TMEM74: variants seen among roughly 807,000 people sequenced by gnomAD.
TMEM74 encodes transmembrane protein 74.
A neutral mutation model predicts 18.1 loss-of-function variants in TMEM74; 13 were observed. The ratio of observed to expected loss-of-function variants is 0.72; its 90% CI spans 0.47 to 1.14. The LOEUF (loss-of-function observed/expected upper bound fraction) is 1.14, where lower values mean the gene tolerates loss of function less well. Ranked by LOEUF, TMEM74 falls within the 50% of genes most tolerant of loss-of-function variation. TMEM74 has a pLI of 0.00. For missense variants in TMEM74, 372 were observed against 375.9 expected (o/e 0.99, Z 0.09); for synonymous variants, 159 against 146.6 (o/e 1.08, Z -0.61).
At position 108,780,469 on chromosome 8, in the gene TMEM74, G is replaced by A. The variant is rs1814290722; in HGVS notation, c.*3712C>T. Reference sequence around the variant, plus strand: ...ATTCTCAATATTTAACTAGCATGGTGCTCAGTCACTCATTTATCAAGATTA... The same window carrying A: ...ATTCTCAATATTTAACTAGCATGGTACTCAGTCACTCATTTATCAAGATTA... On this transcript the variant is annotated 3_prime_UTR_variant, in exon 2 of 2. Coordinates refer to ENST00000297459, the MANE Select transcript of TMEM74 (RefSeq NM_153015.3). 6.6e-6 allele frequency among the ~76,000 whole-genome samples: 1 copy of A among 152,142 alleles called. No homozygotes were observed. Among genetic ancestry groups the A allele is most frequent in the Non-Finnish European group, 1.5e-5 (1 of 68,034 alleles).
chr8:108,713,907 G>A (rs910444982), intron 1 of TMEM74, among the ~76,000 whole-genome samples: 1 of 152,180 alleles, frequency 6.6e-6, no homozygotes, highest in African/African-American at 2.4e-5. Flanking sequence ...AACCCAGGGG[G>A]CCACTGGTGT....
At chr8:108,636,946 C>A (rs1257643874) in intron 2 of TMEM74, among the ~76,000 whole-genome samples, 1 of 152,048 alleles carries the variant, frequency 6.6e-6, no homozygotes, top group Non-Finnish European at 1.5e-5. Context: ...TCGGTCAAGT[C>A]AAACCCAGCT....
chr8:108,618,848 C>T lies in TMEM74; in HGVS notation n.265-10022G>A, dbSNP rs568122502. Among the ~76,000 whole-genome samples, 16 of 152,166 alleles carry T rather than the reference C, an allele frequency of 1.1e-4. No individual in the cohort carries two copies. In the South Asian group the frequency reaches 3.3e-3, roughly 32 times the overall value. ...GGACAAAACAGACATAATGCTTCAC[C>T]CAGTTAGCAAAATGTGACCCACAAG... On this transcript the variant is annotated intron_variant and non_coding_transcript_variant, in intron 2 of 3. Coordinates refer to the TMEM74 transcript ENST00000518838.
intron 1 of TMEM74, among the ~76,000 whole-genome samples, chr8:108,718,167 C>A (rs1164408087): frequency 1.3e-5 from 1 of 75,302 alleles, no homozygotes; most frequent in Non-Finnish European, 2.2e-5. Flanking sequence ...ACCATTTTAG[C>A]CGGGATGGTC....
chr8:108,647,216 C>CA (rs768431413), intron 2 of TMEM74, among the ~76,000 whole-genome samples: 10 of 152,054 alleles, frequency 6.6e-5, no homozygotes, highest in Non-Finnish European at 1.2e-4. Flanking sequence ...GGAAACATCC[C>CA]AAAATACCTC....
intron 2 of TMEM74, among the ~76,000 whole-genome samples, chr8:108,617,022 T>C (rs1812390858): frequency 6.6e-6 from 1 of 151,862 alleles, no homozygotes; most frequent in Admixed American, 6.6e-5. Context: ...TATATAGTGG[T>C]AGAGCAGAGC....
At chr8:108,673,062 T>C (rs1280660392) in intron 1 of TMEM74, among the ~76,000 whole-genome samples, 1 of 152,186 alleles carries the variant, frequency 6.6e-6, no homozygotes, top group Admixed American at 6.5e-5. Context: ...GAGCATAACC[T>C]CAGTCTTCTG....
intron 2 of TMEM74, among the ~76,000 whole-genome samples, chr8:108,611,871 A>G (rs1281767946): frequency 6.6e-6 from 1 of 152,212 alleles, no homozygotes; most frequent in Non-Finnish European, 1.5e-5. Flanking sequence ...GGTAATTTAT[A>G]AAGAAAAGAG....
intron 1 of TMEM74, among the ~76,000 whole-genome samples, chr8:108,713,414 AT>A (rs1399785055): frequency 1.3e-5 from 2 of 152,250 alleles, no homozygotes; most frequent in Admixed American, 1.3e-4. Context: ...GGGTAAAAAA[AT>A]AAAATGGCTA....
At chr8:108,752,446 G>A (rs553829334) in intron 1 of TMEM74, among the ~76,000 whole-genome samples, 62 of 152,158 alleles carry the variant, frequency 4.1e-4, no homozygotes, top group African/African-American at 1.4e-3. Flanking sequence ...TATAAATGTA[G>A]TCCTTGGTCA....
At chr8:108,688,036 G>T (rs1465638168) in intron 1 of TMEM74, among the ~76,000 whole-genome samples, 1 of 152,116 alleles carries the variant, frequency 6.6e-6, no homozygotes, top group Admixed American at 6.6e-5. Context: ...TAAATGACTA[G>T]CATACATTTC....
intron 1 of TMEM74, among the ~76,000 whole-genome samples, chr8:108,754,590 G>A (rs1439210139): frequency 6.6e-6 from 1 of 152,002 alleles, no homozygotes; most frequent in Non-Finnish European, 1.5e-5. Context: ...TATGAAGTTA[G>A]TGGCTGTATT....
chr8:108,712,424 T>A (rs1813483502), intron 1 of TMEM74, among the ~76,000 whole-genome samples: 1 of 152,188 alleles, frequency 6.6e-6, no homozygotes, highest in Admixed American at 6.5e-5. Context: ...TGTTGACTCA[T>A]AGTTTCATGT....
rs1305434556 is a variant in TMEM74 at position 108,779,613 on chromosome 8, T to G, written c.*4568A>C. On this transcript the variant is annotated 3_prime_UTR_variant, in exon 2 of 2. Coordinates refer to ENST00000297459, the MANE Select transcript of TMEM74 (RefSeq NM_153015.3). ...TATGGCATCTCATTCTGAGGCTGAT[T>G]CCAAATTCTTCATTCATGACTTGTG... Among the ~76,000 whole-genome samples the G allele has an allele frequency of 6.6e-6, 1 of 152,220 alleles. No individual in the cohort carries two copies. The highest frequency in any genetic ancestry group is 2.4e-5 in the African/African-American group (1 of 41,468).
intron 2 of TMEM74, among the ~76,000 whole-genome samples, chr8:108,647,954 TGGCCA>T (rs1213355677): frequency 6.6e-6 from 1 of 152,124 alleles, no homozygotes; most frequent in Non-Finnish European, 1.5e-5. Context: ...GTAAACAATT[TGGCCA>T]GGAAAAGATA....
intron 2 of TMEM74, among the ~76,000 whole-genome samples, chr8:108,647,668 C>A (rs2935764): frequency 0.86 from 130,404 of 152,142 alleles, 56,439 homozygotes; most frequent in East Asian, 1. Flanking sequence ...GTATTCAATA[C>A]AACCTTTTTA....
chr8:108,683,982 A>G (rs370608234), intron 1 of TMEM74, among the ~76,000 whole-genome samples: 3 of 152,054 alleles, frequency 2.0e-5, no homozygotes, highest in African/African-American at 7.2e-5. Context: ...TATACACCAC[A>G]TTTTATTTAT....
At chr8:108,640,803 G>A (rs1229641263) in intron 2 of TMEM74, among the ~76,000 whole-genome samples, 1 of 152,094 alleles carries the variant, frequency 6.6e-6, no homozygotes, top group Non-Finnish European at 1.5e-5. Flanking sequence ...TAGCATCAGG[G>A]CCAAGAAACA....
At chr8:108,716,840 G>C (rs1813527846) in intron 1 of TMEM74, among the ~76,000 whole-genome samples, 1 of 150,984 alleles carries the variant, frequency 6.6e-6, no homozygotes, top group African/African-American at 2.4e-5. Context: ...GAACATAAAA[G>C]TTTATAAAAT....
Sources: allele counts gnomAD v4.1 joint callset (sites outside exome capture counted in the v4.1 genomes callset), GRCh38; gene constraint gnomAD v4.1.1; transcripts MANE v1.5; gene names NCBI Gene and HGNC (gene_info 2026-07-23, HGNC 2026-07-21).